Variants in MSI1 observed in about 807,000 individuals in gnomAD.
MSI1 encodes the protein musashi RNA binding protein 1.
Under a neutral mutation model 54.4 loss-of-function variants are expected in MSI1, and 15 were observed. The observed-to-expected ratio is 0.28, with a 90% CI of 0.18 to 0.42. The LOEUF (loss-of-function observed/expected upper bound fraction) is 0.42. Among genes scored for constraint, MSI1 ranks in the 20% least tolerant of loss-of-function variants. The probability of loss-of-function intolerance (pLI) is 1.00; values close to 1 mark genes in which losing one functional copy is unlikely to be tolerated. For missense variants in MSI1, 304 were observed against 506.0 expected (o/e 0.60, Z 3.83); for synonymous variants, 200 against 196.5 (o/e 1.02, Z -0.15).
chr12:120,368,840 A>G lies in MSI1; in HGVS notation c.93T>C (p.Thr31=). 1 of 1,457,136 alleles carries G rather than the reference A, an allele frequency of 6.9e-7. No individual in the cohort carries two copies. Among genetic ancestry groups the G allele is most frequent in the Non-Finnish European group, 9.1e-7 (1 of 1,093,654 alleles). 90.3% of individuals were successfully genotyped at this position (1,457,136 alleles called of 1,614,324 possible). A position where few individuals can be genotyped will look rare whatever the true frequency, so the allele number is the denominator to read the frequency against. Residue 31 remains threonine, a synonymous_variant, in exon 2 of 15, where the codon ACT becomes ACC. Coordinates refer to ENST00000257552, the MANE Select transcript of MSI1 (RefSeq NM_002442.4). The surrounding 1 kb of genome is among the most constrained non-coding windows in gnomAD (Gnocchi z 6.6). ...KMFIGGLSWQ[T]TQEGLREYFG... is the part of the protein sequence containing the mutation. ...GCTCCCGGGCTCGCTCACCCTGCGT[A>G]GTCTGCCAACTGAGTCCCCCGATGA...
At position 120,345,580 on chromosome 12, in the gene MSI1, C is replaced by A. The variant is rs200478247; in HGVS notation, c.*11G>T. ...CCCCCACATCCTCACCTCCTGCCAC[C>A]GTCCCCTGCTTCAGTGGTACCCATT... On this transcript the variant is annotated 3_prime_UTR_variant, in exon 14 of 15. Transcript: ENST00000257552. 4.5e-5 allele frequency: 72 copies of A among 1,613,694 alleles called. No individual in the cohort carries two copies. Among genetic ancestry groups the A allele is most frequent in the Non-Finnish European group, 5.8e-5 (69 of 1,179,900 alleles).
chr12:120,347,793 G>C (rs757122), intron 11 of MSI1, among the ~76,000 whole-genome samples: 109,630 of 152,036 alleles, frequency 0.72, 39,738 homozygotes, highest in South Asian at 0.78. Flanking sequence ...ATAACCCAAA[G>C]CTCATGGAGG....
chr12:120,347,351 T>A, intron 12 of MSI1, 95 bp downstream of exon 12: 1 of 1,390,780 alleles, frequency 7.2e-7, no homozygotes, highest in South Asian at 1.2e-5. Context: ...CAAGTGTCCC[T>A]CTGCAAAGGG....
rs562166993 is a variant in MSI1, at chr12:120,343,042, G to T, written c.*85C>A. On this transcript the variant is annotated 3_prime_UTR_variant, in exon 15 of 15. Coordinates refer to ENST00000257552, the MANE Select transcript of MSI1 (RefSeq NM_002442.4). ...CTGCAGGGGAGGGGGCGGCGGCTGC[G>T]GCTGAGGTCTCCCGCCCCCTCGCTG... The T allele has an allele frequency of 1.3e-5, 2 of 152,460 alleles. No homozygotes were observed. The highest frequency in any genetic ancestry group is 3.9e-4 in the East Asian group (2 of 5,186). 9.4% of individuals were successfully genotyped at this position (152,460 alleles called of 1,614,324 possible).
chr12:120,351,343 C>G lies in MSI1; in HGVS notation c.790+1G>C. 1 of 1,613,112 alleles carries G rather than the reference C, an allele frequency of 6.2e-7. No homozygotes were observed. The highest frequency in any genetic ancestry group is 8.5e-7 in the Non-Finnish European group (1 of 1,179,674). On this transcript the variant is annotated splice_donor_variant, in intron 11 of 14. Coordinates refer to ENST00000257552, the MANE Select transcript of MSI1 (RefSeq NM_002442.4). LOFTEE classifies it high-confidence loss of function. Reference sequence around the variant, plus strand: ...AGGTATACAAAATCCGAGCGACTGACCTGTAAGCTCGGGGAGGACTGGGGC... The same window carrying G: ...AGGTATACAAAATCCGAGCGACTGAGCTGTAAGCTCGGGGAGGACTGGGGC...
Position 120,368,320 on chromosome 12 carries a change from TC to T in MSI1, c.101-48del, listed in dbSNP as rs761498886. The stretch of plus-strand genomic sequence containing the variant: ...CGGACCAGCCCGGGCCCCGCGCCCT[TC>T]CCCCCCCCCCGTCCTTTGCCCCCGG... On this transcript the variant is annotated intron_variant, in intron 2 of 14. Coordinates refer to ENST00000257552, the MANE Select transcript of MSI1 (RefSeq NM_002442.4). This position sits in a 1 kb window ranked among gnomAD's most constrained non-coding sequence, Gnocchi z 6.6. 29,309 of 1,170,624 alleles carry T rather than the reference TC, an allele frequency of 0.025. 4 individuals carry two copies. Among genetic ancestry groups the T allele is most frequent in the East Asian group, 0.051 (1,506 of 29,270 alleles). 72.5% of individuals were successfully genotyped at this position (1,170,624 alleles called of 1,614,324 possible).
chr12:120,341,803 G>C lies in MSI1; in HGVS notation c.*1324C>G, dbSNP rs1056988143. 1.3e-5 allele frequency: 2 copies of C among 152,414 alleles called. No homozygotes were observed. The highest frequency in any genetic ancestry group is 6.6e-5 in the Admixed American group (1 of 15,246). The allele number at this position is 152,414 out of a possible 1,614,324, so 9.4% of individuals were successfully genotyped here. On this transcript the variant is annotated 3_prime_UTR_variant, in exon 15 of 15. Coordinates refer to ENST00000257552, the MANE Select transcript of MSI1 (RefSeq NM_002442.4). ...TCCGGGTGGGGGCAATGCTGGGGAA[G>C]AGAGCTCAGGCCCTGGGCCTCATAA...
At chr12:120,341,312 G>A (rs939443501), downstream of MSI1, 1 of 152,478 alleles carries the variant, frequency 6.6e-6, no homozygotes, top group Non-Finnish European at 1.5e-5. Flanking sequence ...AGAGACACAA[G>A]ACATTCACAA....
chr12:120,344,547 A>T (rs1014421038), intron 14 of MSI1, among the ~76,000 whole-genome samples: 22 of 152,072 alleles, frequency 1.4e-4, no homozygotes, highest in African/African-American at 3.1e-4. Flanking sequence ...CTACAAAAAA[A>T]TTTTTTAAAA....
At position 120,363,023 on chromosome 12, in the gene MSI1, C is replaced by T. The variant is rs761597371; in HGVS notation, c.402+20G>A. 20 of 1,603,976 alleles carry T rather than the reference C, an allele frequency of 1.2e-5. No homozygotes were observed. Among genetic ancestry groups the T allele is most frequent in the South Asian group, 1.2e-4 (11 of 90,556 alleles). ...GTGTGTTCACAGCCCCAGCAGCAAG[C>T]GCCCCCAGTTTAAACCCACCTTCCC... On this transcript the variant is annotated intron_variant, in intron 6 of 14. Coordinates refer to ENST00000257552, the MANE Select transcript of MSI1 (RefSeq NM_002442.4).
chr12:120,362,745 T>A (rs1236086319), intron 6 of MSI1, among the ~76,000 whole-genome samples: 1 of 152,188 alleles, frequency 6.6e-6, no homozygotes, highest in Non-Finnish European at 1.5e-5. Flanking sequence ...GAACTGGCTG[T>A]GGGAGCACTG....
At chr12:120,346,006 T>A in intron 13 of MSI1, 129 bp downstream of exon 13, 1 of 847,710 alleles carries the variant, frequency 1.2e-6, no homozygotes, top group Admixed American at 3.0e-5. Flanking sequence ...TCCTTAGTGA[T>A]CTTTCTCCAT....
intron 9 of MSI1, among the ~76,000 whole-genome samples, chr12:120,355,216 T>G (rs1874989657): frequency 6.6e-6 from 1 of 151,340 alleles, no homozygotes; most frequent in African/African-American, 2.4e-5. Flanking sequence ...CCATCCTGGC[T>G]AACACAGTGA....
Position 120,368,884 on chromosome 12 carries a change from A to T in MSI1, c.60-11T>A. ...CCGATGAACATCTTGCTGCGGGAGG[A>T]GGAGAGACACAAAGGGCCCGCGTGA... On this transcript the variant is annotated splice_polypyrimidine_tract_variant and intron_variant, in intron 1 of 14. Coordinates refer to ENST00000257552, the MANE Select transcript of MSI1 (RefSeq NM_002442.4). This position sits in a 1 kb window ranked among gnomAD's most constrained non-coding sequence, Gnocchi z 6.6. 6.9e-7 allele frequency: 1 copy of T among 1,456,448 alleles called. No homozygotes were observed. Among genetic ancestry groups the T allele is most frequent in the Non-Finnish European group, 9.2e-7 (1 of 1,092,624 alleles). The allele number at this position is 1,456,448 out of a possible 1,614,324, so 90.2% of individuals were successfully genotyped here.
rs775011481 is a variant in MSI1 at position 120,368,101 on chromosome 12, C to A, written c.183-9G>T. 1.2e-6 allele frequency: 2 copies of A among 1,613,102 alleles called. No individual in the cohort carries two copies. Among genetic ancestry groups the A allele is most frequent in the East Asian group, 2.2e-5 (1 of 44,852 alleles). ...TGACGAAGCCGAAACCCCTGCGCGC[C>A]GTAGTGAGGGAGAGGCAGATGGTTA... On this transcript the variant is annotated splice_polypyrimidine_tract_variant and intron_variant, in intron 3 of 14. Coordinates refer to ENST00000257552, the MANE Select transcript of MSI1 (RefSeq NM_002442.4). This position sits in a 1 kb window ranked among gnomAD's most constrained non-coding sequence, Gnocchi z 6.6.
intron 10 of MSI1, among the ~76,000 whole-genome samples, chr12:120,351,602 G>C (rs1002948095): frequency 5.3e-4 from 81 of 152,034 alleles, no homozygotes; most frequent in African/African-American, 1.9e-3. Context: ...CAGAGAGAGG[G>C]AGCAGAGTTG....
intron 5 of MSI1, among the ~76,000 whole-genome samples, chr12:120,363,937 G>T (rs1342341380): frequency 2.0e-5 from 3 of 152,162 alleles, no homozygotes; most frequent in African/African-American, 4.8e-5. Context: ...CCTAGAGAGG[G>T]ACCTCGTCCT....
chr12:120,347,404 T>C, intron 12 of MSI1, 42 bp downstream of exon 12: 3 of 1,612,202 alleles, frequency 1.9e-6, no homozygotes, highest in Non-Finnish European at 2.5e-6. Context: ...CTCTGCTCCC[T>C]GTGCTCCCTC....
chr12:120,360,204 C>T (rs527807774), intron 6 of MSI1, among the ~76,000 whole-genome samples: 93 of 152,226 alleles, frequency 6.1e-4, no homozygotes, highest in Middle Eastern at 3.4e-3. Flanking sequence ...AGGCTGGTCT[C>T]GAACTCCTGG....
Sources: gnomAD v4.1 joint callset for allele counts (sites outside exome capture counted in the v4.1 genomes callset) on GRCh38, gnomAD v4.1.1 for gene constraint, Gnocchi (gnomAD v3.1) non-coding constraint, MANE v1.5 for transcripts, NCBI Gene and HGNC (gene_info 2026-07-23, HGNC 2026-07-21) for gene names.